The following DCTD variants were observed in gnomAD, a reference collection of about 807,000 sequenced individuals.
The protein encoded by DCTD is dCMP deaminase.
Under a neutral mutation model 21.0 loss-of-function variants are expected in DCTD, and 23 were observed. That is an observed-to-expected ratio of 1.09 (90% CI 0.79 to 1.55). The LOEUF is 1.55. DCTD is among the 40% of genes most tolerant of loss of function. The pLI, the probability that DCTD is intolerant of heterozygous loss-of-function variation, is 0.00. For synonymous variants in DCTD, 71 were observed against 81.1 expected (o/e 0.88, Z 0.67); for missense variants, 224 against 230.0 (o/e 0.97, Z 0.17).
chr4:182,916,406 A>G (rs895921137), intron 1 of DCTD: 3 of 985,404 alleles, frequency 3.0e-6, no homozygotes, highest in South Asian at 9.4e-5. Context: ...CAACACAAAA[A>G]CGGGGTGGGT....
intron 3 of DCTD, among the ~76,000 whole-genome samples, chr4:182,897,199 G>A (rs1196673801): frequency 6.6e-6 from 1 of 152,024 alleles, no homozygotes; most frequent in East Asian, 1.9e-4. Context: ...GTGTACAGAG[G>A]GCGATTTATA....
At chr4:182,894,182 T>C (rs1028650419) in intron 4 of DCTD, among the ~76,000 whole-genome samples, 1 of 152,240 alleles carries the variant, frequency 6.6e-6, no homozygotes, top group Non-Finnish European at 1.5e-5. Context: ...CCCAAATCTA[T>C]GCACAATATG....
At chr4:182,908,510 C>T (rs1737105250) in intron 3 of DCTD, among the ~76,000 whole-genome samples, 1 of 151,686 alleles carries the variant, frequency 6.6e-6, no homozygotes, top group Admixed American at 6.6e-5. Flanking sequence ...GGTGAAACCC[C>T]ATCTCTACTA....
chr4:182,911,027 C>T (rs1049153482), intron 3 of DCTD, among the ~76,000 whole-genome samples: 2 of 152,180 alleles, frequency 1.3e-5, no homozygotes, highest in Admixed American at 1.3e-4. Context: ...CTGTCACAGT[C>T]CCTTGGGGCT....
At chr4:182,897,330 T>C (rs1316810616) in intron 3 of DCTD, among the ~76,000 whole-genome samples, 6 of 149,762 alleles carry the variant, frequency 4.0e-5, no homozygotes, top group Non-Finnish European at 1.5e-5. Flanking sequence ...TAAAAATAAA[T>C]ATTAAATATA....
chr4:182,916,825 G>A, intron 1 of DCTD: 1 of 1,089,046 alleles, frequency 9.2e-7, no homozygotes, highest in Non-Finnish European at 1.1e-6. Flanking sequence ...GTGGCTGAAC[G>A]CCCACTAGAG....
At position 182,894,579 on chromosome 4, in the gene DCTD, T is replaced by C; in HGVS notation, c.271A>G (p.Met91Val). Reference sequence around the variant, plus strand: ...TTCACATCGGTCGAATTTTTGTTCATGATGGCATTCAGCTCCGCATGGCAC... The same window carrying C: ...TTCACATCGGTCGAATTTTTGTTCACGATGGCATTCAGCTCCGCATGGCAC... ...YVCHAELNAI[M>V]NKNSTDVKGC... Residue 91 changes from methionine to valine, a missense_variant, in exon 4 of 6, where the codon ATG becomes GTG. Transcript: ENST00000438320. 3 of 1,614,124 alleles carry C rather than the reference T, an allele frequency of 1.9e-6. No individual in the cohort carries two copies. The highest frequency in any genetic ancestry group is 2.5e-6 in the Non-Finnish European group (3 of 1,179,936).
At chr4:182,911,218 C>T (rs980761293) in intron 3 of DCTD, 1 of 152,164 alleles carries the variant, frequency 6.6e-6, no homozygotes, top group African/African-American at 2.4e-5. Context: ...AACTGAGCTC[C>T]CTGGGGTCCC....
At chr4:182,914,764 C>T (rs114531822) in intron 3 of DCTD, among the ~76,000 whole-genome samples, 159 bp downstream of exon 3, 1,892 of 152,338 alleles carry the variant, frequency 0.012, 29 homozygotes, top group African/African-American at 0.043. Flanking sequence ...CTCTTTGGAA[C>T]TTAAGAGACA....
At chr4:182,917,572 C>T (rs997139988), upstream of DCTD, 1 of 198,330 alleles carries the variant, frequency 5.0e-6, no homozygotes, top group African/African-American at 2.4e-5. This position sits in a 1 kb window ranked among gnomAD's most constrained non-coding sequence, Gnocchi z 4.9. Context: ...TGACGCAGCC[C>T]GCGGTCCGGC....
intron 1 of DCTD, chr4:182,916,441 C>T (rs1334132781): frequency 3.0e-6 from 3 of 985,536 alleles, no homozygotes; most frequent in Non-Finnish European, 3.6e-6. Flanking sequence ...TTGAGAAAGG[C>T]GAGGAATGTG....
At chr4:182,902,309 T>C (rs1735887291) in intron 3 of DCTD, among the ~76,000 whole-genome samples, 2 of 152,218 alleles carry the variant, frequency 1.3e-5, no homozygotes, top group African/African-American at 4.8e-5. Flanking sequence ...TCCCAAATAA[T>C]GTCACCTCTC....
chr4:182,913,983 TTTTTG>T (rs1561346988), intron 3 of DCTD, among the ~76,000 whole-genome samples: 3 of 137,612 alleles, frequency 2.2e-5, no homozygotes, highest in African/African-American at 7.5e-5. Context: ...CTTTTCTTTG[TTTTTG>T]TTTTGTTTTT....
At chr4:182,904,142 C>T (rs1241626243) in intron 3 of DCTD, among the ~76,000 whole-genome samples, 4 of 152,184 alleles carry the variant, frequency 2.6e-5, no homozygotes, top group Non-Finnish European at 5.9e-5. Flanking sequence ...CAACTCACGG[C>T]ACCCAGGGGA....
chr4:182,900,077 G>A (rs1735458170), intron 3 of DCTD, among the ~76,000 whole-genome samples: 1 of 152,144 alleles, frequency 6.6e-6, no homozygotes, highest in African/African-American at 2.4e-5. Context: ...CACTTTGGGA[G>A]GCCAAGTGGG....
intron 5 of DCTD, 127 bp from the exon 6 acceptor site, chr4:182,891,604 T>C: frequency 1.5e-6 from 1 of 670,226 alleles, no homozygotes; most frequent in Non-Finnish European, 2.6e-6. Context: ...ATTTTCTCTC[T>C]ATAGGAGCCA....
intron 1 of DCTD, chr4:182,916,400 AC>A: frequency 1.0e-6 from 1 of 985,618 alleles, no homozygotes; most frequent in Non-Finnish European, 1.2e-6. Flanking sequence ...GGAAGACAAC[AC>A]AAAAACGGGG....
intron 3 of DCTD, among the ~76,000 whole-genome samples, chr4:182,910,084 C>T (rs1265192917): frequency 4.6e-5 from 7 of 152,226 alleles, no homozygotes; most frequent in East Asian, 1.9e-4. Context: ...AGGCCTCCCC[C>T]GACTCTTGGG....
At chr4:182,910,893 T>C (rs1484671065) in intron 3 of DCTD, among the ~76,000 whole-genome samples, 1 of 152,198 alleles carries the variant, frequency 6.6e-6, no homozygotes, top group Non-Finnish European at 1.5e-5. Flanking sequence ...ACAAGTAGTG[T>C]GTGTTTCCCT....
Sources: gnomAD v4.1 joint callset for allele counts (sites outside exome capture counted in the v4.1 genomes callset) on GRCh38, gnomAD v4.1.1 for gene constraint, Gnocchi (gnomAD v3.1) non-coding constraint, MANE v1.5 for transcripts, NCBI Gene and HGNC (gene_info 2026-07-23, HGNC 2026-07-21) for gene names.